Variants in NCKAP5 observed in about 807,000 individuals in gnomAD.
NCKAP5 encodes the protein NCK associated protein 5.
Under a neutral mutation model 167.0 loss-of-function variants are expected in NCKAP5, and 92 were observed. That is an observed-to-expected ratio of 0.55 (90% confidence interval 0.47 to 0.66). The LOEUF is 0.66. Among genes scored for constraint, NCKAP5 ranks in the 30% least tolerant of loss-of-function variants. The probability of loss-of-function intolerance (pLI) is 0.00; values close to 1 mark genes in which losing one functional copy is unlikely to be tolerated. For synonymous variants in NCKAP5, 891 were observed against 877.4 expected, an observed-to-expected ratio of 1.02 and a Z score of -0.27; for missense variants, 2,378 against 2,315.0, an observed-to-expected ratio of 1.03 and a Z score of -0.56.
At chr2:133,104,020 A>T (rs2081602844) in intron 6 of NCKAP5, among the ~76,000 whole-genome samples, 1 of 151,790 alleles carries the variant, frequency 6.6e-6, no homozygotes, top group Non-Finnish European at 1.5e-5. Flanking sequence ...TCTTCAACTC[A>T]CTGTGCCCTT....
chr2:133,527,981 C>T (rs1341834355), intron 2 of NCKAP5, among the ~76,000 whole-genome samples: 1 of 152,102 alleles, frequency 6.6e-6, no homozygotes, highest in Non-Finnish European at 1.5e-5. Flanking sequence ...AGGAGGACTG[C>T]TTAAGCCTGA....
intron 5 of NCKAP5, among the ~76,000 whole-genome samples, chr2:133,144,091 C>A (rs1239504373): frequency 6.6e-6 from 1 of 152,018 alleles, no homozygotes; most frequent in Non-Finnish European, 1.5e-5. Context: ...ATGGTCTTTG[C>A]CATTAAAAAT....
intron 3 of NCKAP5, among the ~76,000 whole-genome samples, chr2:133,509,760 C>T (rs890461544): frequency 1.4e-4 from 21 of 152,178 alleles, no homozygotes; most frequent in African/African-American, 3.9e-4. Context: ...TCCCAATAAA[C>T]GTCCTACAAT....
chr2:133,547,986 T>A (rs1396585923), intron 2 of NCKAP5, among the ~76,000 whole-genome samples: 3 of 145,632 alleles, frequency 2.1e-5, no homozygotes, highest in African/African-American at 5.2e-5. Context: ...TTGAAAAAAA[T>A]TTAGAAGAAT....
chr2:133,466,698 T>C (rs1009133355), intron 3 of NCKAP5, among the ~76,000 whole-genome samples: 1 of 152,232 alleles, frequency 6.6e-6, no homozygotes, highest in African/African-American at 2.4e-5. Flanking sequence ...AGCAGTGGTT[T>C]GTAATTCTCC....
chr2:133,315,467 G>A (rs563982779), intron 3 of NCKAP5, among the ~76,000 whole-genome samples: 8 of 152,236 alleles, frequency 5.3e-5, no homozygotes, highest in Middle Eastern at 3.4e-3. Context: ...AGTTTGTGAC[G>A]TCATTACATA....
intron 4 of NCKAP5, among the ~76,000 whole-genome samples, chr2:133,289,024 C>A (rs1260126180): frequency 6.6e-6 from 1 of 152,110 alleles, no homozygotes; most frequent in Non-Finnish European, 1.5e-5. Flanking sequence ...TTTGCAAGAC[C>A]ACAGAGTAAG....
chr2:132,764,694 T>C (rs1276184439), intron 16 of NCKAP5, among the ~76,000 whole-genome samples: 1 of 152,222 alleles, frequency 6.6e-6, no homozygotes, highest in Non-Finnish European at 1.5e-5. Context: ...ATCAAAGTTA[T>C]TGAGAACATT....
intron 3 of NCKAP5, among the ~76,000 whole-genome samples, chr2:133,400,939 C>T (rs1688060371): frequency 6.6e-6 from 1 of 152,116 alleles, no homozygotes; most frequent in Non-Finnish European, 1.5e-5. Flanking sequence ...AGGGCAGCAG[C>T]TTTTGTTATT....
At chr2:133,169,896 C>G (rs2084165897) in intron 5 of NCKAP5, among the ~76,000 whole-genome samples, 1 of 152,112 alleles carries the variant, frequency 6.6e-6, no homozygotes, top group Non-Finnish European at 1.5e-5. Flanking sequence ...ATAAGGCATC[C>G]CTGTGCCACT....
At chr2:133,027,193 G>C (rs543732881) in intron 6 of NCKAP5, among the ~76,000 whole-genome samples, 9 of 152,236 alleles carry the variant, frequency 5.9e-5, no homozygotes, top group Admixed American at 5.2e-4. Context: ...CATGACAAGC[G>C]TCAAGGTCTG....
chr2:132,710,853 T>C (rs2250481), intron 19 of NCKAP5, among the ~76,000 whole-genome samples: 94,945 of 151,992 alleles, frequency 0.62, 29,904 homozygotes, highest in East Asian at 0.85. Context: ...ACCAAAGAGA[T>C]ATTTTATGGC....
intron 6 of NCKAP5, among the ~76,000 whole-genome samples, chr2:133,033,212 C>G (rs771141994): frequency 4.6e-5 from 7 of 152,202 alleles, no homozygotes; most frequent in African/African-American, 7.2e-5. Context: ...ACAAGAGACT[C>G]TGCCTGGTAA....
intron 7 of NCKAP5, among the ~76,000 whole-genome samples, chr2:132,970,670 A>G (rs781145078): frequency 1.3e-5 from 2 of 152,220 alleles, no homozygotes; most frequent in African/African-American, 2.4e-5. Context: ...TTAGAGCTGT[A>G]AGTTTCCCTA....
intron 4 of NCKAP5, among the ~76,000 whole-genome samples, chr2:133,234,041 G>A (rs1231341144): frequency 6.6e-6 from 1 of 152,116 alleles, no homozygotes; most frequent in African/African-American, 2.4e-5. Flanking sequence ...AGCAAACACA[G>A]GCTCCAAACT....
chr2:133,555,903 A>G (rs1687707588), intron 2 of NCKAP5, among the ~76,000 whole-genome samples: 1 of 152,260 alleles, frequency 6.6e-6, no homozygotes, highest in Admixed American at 6.5e-5. Context: ...GGAAGACTAT[A>G]TGGTGGCAGA....
the NCKAP5 span, among the ~76,000 whole-genome samples, chr2:133,613,810 C>T: frequency 2.0e-5 from 3 of 152,158 alleles, no homozygotes; most frequent in African/African-American, 2.4e-5. Context: ...TGTTGGACAG[C>T]GTGTGATTAT....
intron 9 of NCKAP5, among the ~76,000 whole-genome samples, chr2:132,874,818 G>A (rs2148792697): frequency 6.6e-6 from 1 of 152,296 alleles, no homozygotes; most frequent in South Asian, 2.1e-4. Context: ...CTACGGATAT[G>A]CAATTTTAGC....
At chr2:132,985,862 A>G (rs1157762409) in intron 7 of NCKAP5, among the ~76,000 whole-genome samples, 1 of 152,222 alleles carries the variant, frequency 6.6e-6, no homozygotes, top group Non-Finnish European at 1.5e-5. Flanking sequence ...ATTATAGGCC[A>G]CAGACATAAA....
Sources: allele counts gnomAD v4.1 joint callset (sites outside exome capture counted in the v4.1 genomes callset), GRCh38; gene constraint gnomAD v4.1.1; transcripts MANE v1.5; gene names NCBI Gene and HGNC (gene_info 2026-07-23, HGNC 2026-07-21).